The following KLHL13 variants were observed in gnomAD, a reference collection of about 807,000 sequenced individuals.
The protein encoded by KLHL13 is kelch-like protein 13.
KLHL13 carries 10 observed loss-of-function variants against 37.1 expected under a neutral mutation model. That is an observed-to-expected ratio of 0.27 (90% CI 0.17 to 0.46). The LOEUF (loss-of-function observed/expected upper bound fraction) is 0.46. Among genes scored for constraint, KLHL13 ranks in the 20% least tolerant of loss-of-function variants. The pLI, the probability that KLHL13 is intolerant of heterozygous loss-of-function variation, is 1.00. For synonymous variants in KLHL13, 163 were observed against 181.2 expected (o/e 0.90, Z 0.81); for missense variants, 360 against 509.3 (o/e 0.71, Z 2.82).
chrX:118,041,451 C>A (rs1280782437), intron 1 of KLHL13, among the ~76,000 whole-genome samples: 1 of 111,277 alleles, frequency 9.0e-6, no homozygotes, highest in Admixed American at 9.6e-5. Context: ...CACTTAAGGC[C>A]AGGAGGTCTC....
chrX:118,011,949 T>C (rs1043739955), intron 1 of KLHL13, among the ~76,000 whole-genome samples: 1 of 112,472 alleles, frequency 8.9e-6, no homozygotes, highest in Non-Finnish European at 1.9e-5. Context: ...TATAGATAAA[T>C]ATTTGAATAT....
intron 1 of KLHL13, among the ~76,000 whole-genome samples, chrX:117,999,077 A>G (rs767750967): frequency 9.0e-6 from 1 of 110,787 alleles, no homozygotes; most frequent in African/African-American, 3.3e-5. Context: ...CTTCAGTGTC[A>G]GGTGGTAATG....
chrX:118,021,197 T>C (rs2148010979), intron 1 of KLHL13, among the ~76,000 whole-genome samples: 1 of 108,460 alleles, frequency 9.2e-6, no homozygotes, highest in South Asian at 4.5e-4. Flanking sequence ...TTTAGCATAA[T>C]GTCCTCCACG....
At chrX:118,084,798 G>A (rs1474041218) in intron 1 of KLHL13, among the ~76,000 whole-genome samples, 6 of 111,019 alleles carry the variant, frequency 5.4e-5, no homozygotes, top group African/African-American at 1.6e-4. Context: ...AGGCCGAGGC[G>A]GATGGATCAC....
intron 2 of KLHL13, among the ~76,000 whole-genome samples, 164 bp downstream of exon 3, chrX:117,945,270 C>G (rs1042276568): frequency 1.1e-4 from 12 of 111,455 alleles, no homozygotes; most frequent in African/African-American, 3.9e-4. Context: ...TTTTTAGAGC[C>G]ATTTTGGGTT....
chrX:118,097,265 A>G (rs2055221519), intron 1 of KLHL13, among the ~76,000 whole-genome samples: 1 of 110,578 alleles, frequency 9.0e-6, no homozygotes. Flanking sequence ...AAAAATCACA[A>G]GCATTCTTAT....
intron 2 of KLHL13, among the ~76,000 whole-genome samples, chrX:117,938,611 T>C (rs113016376): frequency 0.027 from 3,015 of 111,667 alleles, 101 homozygotes; most frequent in African/African-American, 0.093. Flanking sequence ...TGGCAATCAT[T>C]GTTCGGTTTC....
intron 1 of KLHL13, among the ~76,000 whole-genome samples, chrX:118,069,504 T>A (rs986236169): frequency 1.9e-5 from 2 of 106,483 alleles, no homozygotes; most frequent in Non-Finnish European, 3.9e-5. Flanking sequence ...TTATACAATA[T>A]ACCCATGTAC....
At chrX:117,961,501 T>G (rs186704534) in intron 1 of KLHL13, among the ~76,000 whole-genome samples, 1 of 111,893 alleles carries the variant, frequency 8.9e-6, no homozygotes, top group Non-Finnish European at 1.9e-5. Context: ...GTGGATATGT[T>G]GTTACATGGC....
At chrX:118,108,173 C>A (rs779148137) in intron 1 of KLHL13, among the ~76,000 whole-genome samples, 1 of 112,199 alleles carries the variant, frequency 8.9e-6, no homozygotes, top group Non-Finnish European at 1.9e-5. Flanking sequence ...CTACAAACTA[C>A]AAGCAAAACT....
At chrX:117,953,844 T>A (rs1385967820) in intron 1 of KLHL13, among the ~76,000 whole-genome samples, 1 of 112,026 alleles carries the variant, frequency 8.9e-6, no homozygotes, top group Non-Finnish European at 1.9e-5. Flanking sequence ...AATCTGAAGA[T>A]CACTTACTTT....
chrX:118,099,672 G>T (rs780153973), intron 1 of KLHL13, among the ~76,000 whole-genome samples: 1 of 110,564 alleles, frequency 9.0e-6, no homozygotes, highest in Non-Finnish European at 1.9e-5. Flanking sequence ...AAAAAAATTA[G>T]CTGGGCATGG....
rs149038039 is a variant in KLHL13 at position 117,950,818 on chromosome X, A to G, written c.99-5243T>C. 1.5e-3 allele frequency among the ~76,000 whole-genome samples: 167 copies of G among 112,690 alleles called. 2 individuals carry two copies. Among genetic ancestry groups the G allele is most frequent in the African/African-American group, 5.2e-3 (162 of 31,034 alleles). On this transcript the variant is annotated intron_variant, in intron 1 of 6. Coordinates refer to ENST00000262820, the Ensembl canonical transcript of KLHL13. ...CATTTGTTTTTCTGCTCTGAAACAGAGAAGTGTCTGCTAGCAGCAGCATTT... is the reference window on the plus strand; with the variant it reads ...CATTTGTTTTTCTGCTCTGAAACAGGGAAGTGTCTGCTAGCAGCAGCATTT...
intron 4 of KLHL13, among the ~76,000 whole-genome samples, chrX:117,915,825 C>G (rs1931311694): frequency 8.9e-6 from 1 of 112,214 alleles, no homozygotes; most frequent in Admixed American, 9.4e-5. Flanking sequence ...TTTCAAATTG[C>G]AAACAAAGGA....
chrX:118,110,377 C>CTTTTTTTTTT (rs1054663520), intron 1 of KLHL13, among the ~76,000 whole-genome samples: 4 of 82,556 alleles, frequency 4.8e-5, no homozygotes, highest in Non-Finnish European at 9.2e-5. Flanking sequence ...ATTTCTTTTT[C>CTTTTTTTTTT]TTTTTTTTTT....
At chrX:117,925,796 A>T (rs1265338324) in intron 2 of KLHL13, among the ~76,000 whole-genome samples, 1 of 111,378 alleles carries the variant, frequency 9.0e-6, no homozygotes, top group Non-Finnish European at 1.9e-5. Flanking sequence ...GGTGATAAAA[A>T]TTTTTTTTCA....
chrX:117,908,382 A>C lies in KLHL13; in HGVS notation c.1366+919T>G, dbSNP rs189662178. On this transcript the variant is annotated intron_variant, in intron 5 of 6. Transcript: ENST00000262820. ...TACATTAGGTATTTCTCCTAATGCT[A>C]TCCCTCCCCTAGCCCCCCAACCCCA... is the stretch of plus-strand genomic sequence containing the variant. Among the ~76,000 whole-genome samples, 12 of 108,596 alleles carry C rather than the reference A, an allele frequency of 1.1e-4. No homozygotes were observed. The East Asian group carries it at 3.5e-3, about 31-fold the overall frequency. The allele number at this position is 108,596 out of a possible 115,157, so 94.3% of individuals were successfully genotyped here.
chrX:118,027,955 A>G (rs1326024366), intron 1 of KLHL13, among the ~76,000 whole-genome samples: 1 of 111,984 alleles, frequency 8.9e-6, no homozygotes, highest in Non-Finnish European at 1.9e-5. Context: ...AATAAATTTA[A>G]AATCCTAATT....
intron 1 of KLHL13, among the ~76,000 whole-genome samples, chrX:118,052,859 G>A (rs548794799): frequency 9.1e-6 from 1 of 110,080 alleles, no homozygotes; most frequent in African/African-American, 3.3e-5. Flanking sequence ...ACAGATAAAG[G>A]AGAATTTTTT....
Sources: gnomAD v4.1 joint callset for allele counts (sites outside exome capture counted in the v4.1 genomes callset) on GRCh38, gnomAD v4.1.1 for gene constraint, MANE v1.5 for transcripts, NCBI Gene and HGNC (gene_info 2026-07-23, HGNC 2026-07-21) for gene names.